Variants in HPSE2 observed in about 807,000 individuals in gnomAD.
HPSE2 encodes the protein inactive heparanase-2.
HPSE2 carries 38 observed loss-of-function variants against 60.5 expected under a neutral mutation model. That is an observed-to-expected ratio of 0.63 (90% confidence interval 0.48 to 0.82). HPSE2 has a LOEUF of 0.82. Ranked by LOEUF, HPSE2 falls within the 40% of genes least tolerant of loss-of-function variation. The probability of loss-of-function intolerance (pLI) is 0.00; values close to 1 mark genes in which losing one functional copy is unlikely to be tolerated. For synonymous variants in HPSE2, 295 were observed against 293.2 expected (o/e 1.01, Z -0.06); for missense variants, 713 against 740.4 (o/e 0.96, Z 0.43).
chr10:98,522,268 A>G (rs917242533), intron 9 of HPSE2, among the ~76,000 whole-genome samples: 11 of 152,068 alleles, frequency 7.2e-5, no homozygotes, highest in Non-Finnish European at 1.6e-4. Flanking sequence ...AAAAAAAACA[A>G]TAAAACAAAA....
At chr10:98,841,543 A>G (rs1951913174) in intron 3 of HPSE2, among the ~76,000 whole-genome samples, 1 of 152,148 alleles carries the variant, frequency 6.6e-6, no homozygotes, top group South Asian at 2.1e-4. Flanking sequence ...TTTTCACTCA[A>G]TAGTATTGCT....
At chr10:98,837,358 C>T (rs1029087970) in intron 3 of HPSE2, among the ~76,000 whole-genome samples, 1 of 152,128 alleles carries the variant, frequency 6.6e-6, no homozygotes, top group African/African-American at 2.4e-5. Flanking sequence ...TTATAGTGTA[C>T]TTTATATAAG....
At chr10:98,627,532 C>T (rs550131906) in intron 7 of HPSE2, among the ~76,000 whole-genome samples, 1 of 152,272 alleles carries the variant, frequency 6.6e-6, no homozygotes, top group South Asian at 2.1e-4. Flanking sequence ...CAGTTAGGGG[C>T]ATGGACTCTG....
In HPSE2 at chr10:98,937,030, T is replaced by C. The variant is rs1187280231; in HGVS notation, c.611-192974A>G. 1.7e-5 allele frequency among the ~76,000 whole-genome samples: 2 copies of C among 118,844 alleles called. 1 individual carries two copies. Among genetic ancestry groups the C allele is most frequent in the African/African-American group, 7.5e-5 (2 of 26,826 alleles). 78.0% of individuals were successfully genotyped at this position (118,844 alleles called of 152,430 possible). A position where few individuals can be genotyped will look rare whatever the true frequency, so the allele number is the denominator to read the frequency against. On this transcript the variant is annotated intron_variant, in intron 3 of 11. Coordinates refer to ENST00000370552, the MANE Select transcript of HPSE2 (RefSeq NM_021828.5). ...ACAAGTTTTCCAACTTTTTGGAAAATTTTAAGTTTTTCAACCTCCTCCTCT... is the reference window on the plus strand; with the variant it reads ...ACAAGTTTTCCAACTTTTTGGAAAACTTTAAGTTTTTCAACCTCCTCCTCT...
chr10:98,482,784 T>C lies in HPSE2; in HGVS notation c.1467-2A>G, dbSNP rs755246100. 5 of 1,613,956 alleles carry C rather than the reference T, an allele frequency of 3.1e-6. No homozygotes were observed. In the African/African-American group the frequency reaches 6.7e-5, roughly 22 times the overall value. ...ATGGACCCACGAACGTAGTTGTGGC[T>C]GAGATCCAGAGAAAGAGAGAAGTGA... On this transcript the variant is annotated splice_acceptor_variant, in intron 10 of 11. Transcript: ENST00000370552. LOFTEE classifies it high-confidence loss of function.
intron 9 of HPSE2, among the ~76,000 whole-genome samples, chr10:98,584,847 G>T (rs1405427814): frequency 1.3e-5 from 2 of 152,112 alleles, no homozygotes; most frequent in Non-Finnish European, 2.9e-5. Context: ...TTTGTGAAAG[G>T]AAGCCTGCAA....
intron 9 of HPSE2, among the ~76,000 whole-genome samples, chr10:98,543,511 C>T (rs1267157834): frequency 6.6e-6 from 1 of 152,066 alleles, no homozygotes; most frequent in East Asian, 1.9e-4. Context: ...ATTAAATGCT[C>T]CAATTAAAAG....
chr10:99,235,470 T>C (rs941259526), intron 1 of HPSE2, 43 bp downstream of exon 1: 1 of 1,590,854 alleles, frequency 6.3e-7, no homozygotes, highest in South Asian at 1.1e-5. Flanking sequence ...TGAGGGGGTG[T>C]TACTAAAAAA....
chr10:99,168,291 T>G (rs1237987250), intron 2 of HPSE2, among the ~76,000 whole-genome samples: 1 of 152,244 alleles, frequency 6.6e-6, no homozygotes, highest in East Asian at 1.9e-4. Context: ...ATAACATTTG[T>G]CAGATTATTC....
chr10:99,113,149 A>G (rs912310616), intron 3 of HPSE2, among the ~76,000 whole-genome samples: 1 of 152,224 alleles, frequency 6.6e-6, no homozygotes, highest in African/African-American at 2.4e-5. Flanking sequence ...TGACAACAAT[A>G]GCAACCATTC....
At chr10:98,860,391 A>C (rs1217320006) in intron 3 of HPSE2, among the ~76,000 whole-genome samples, 1 of 152,108 alleles carries the variant, frequency 6.6e-6, no homozygotes, top group Non-Finnish European at 1.5e-5. Context: ...CATACTTTCT[A>C]CCTTTGCTCA....
intron 3 of HPSE2, among the ~76,000 whole-genome samples, chr10:99,109,659 C>A (rs574231535): frequency 2.0e-5 from 3 of 152,128 alleles, no homozygotes; most frequent in Non-Finnish European, 2.9e-5. Flanking sequence ...CTCCAGAATG[C>A]GCTTTGGCTA....
At chr10:98,718,588 A>T (rs1948846527) in intron 5 of HPSE2, among the ~76,000 whole-genome samples, 1 of 152,218 alleles carries the variant, frequency 6.6e-6, no homozygotes, top group Admixed American at 6.6e-5. Context: ...ATATATACAC[A>T]TGGAATACTA....
intron 9 of HPSE2, among the ~76,000 whole-genome samples, chr10:98,524,821 C>T (rs899533205): frequency 6.6e-6 from 1 of 152,068 alleles, no homozygotes; most frequent in African/African-American, 2.4e-5. Flanking sequence ...ATAACAAATG[C>T]TCTTATGTTA....
chr10:98,709,034 T>G (rs1948614879), intron 5 of HPSE2, among the ~76,000 whole-genome samples: 1 of 152,184 alleles, frequency 6.6e-6, no homozygotes, highest in African/African-American at 2.4e-5. Context: ...ATTCCTATAC[T>G]CCATTTTTAT....
rs567075336 is a variant in HPSE2 at position 98,939,744 on chromosome 10, C to T, written c.611-195688G>A. ...GCACCAAGCAGACCTAATAGACATC[C>T]ACAGAACTCTCCAACACAAATCAAC... is the stretch of plus-strand genomic sequence containing the variant. On this transcript the variant is annotated intron_variant, in intron 3 of 11. Transcript: ENST00000370552. Among the ~76,000 whole-genome samples, 10 of 143,930 alleles carry T rather than the reference C, an allele frequency of 6.9e-5. 1 individual carries two copies. Among genetic ancestry groups the T allele is most frequent in the Admixed American group, 1.4e-4 (2 of 14,488 alleles). The allele number at this position is 143,930 out of a possible 152,430, so 94.4% of individuals were successfully genotyped here.
chr10:98,544,363 C>G (rs1263722367), intron 9 of HPSE2, among the ~76,000 whole-genome samples: 1 of 152,088 alleles, frequency 6.6e-6, no homozygotes, highest in African/African-American at 2.4e-5. Context: ...CACTAAATGC[C>G]CACAAGAGAA....
In HPSE2 at chr10:98,812,739, T is replaced by G. The variant is rs947426483; in HGVS notation, c.611-68683A>C. ...TGGCTATTCATCTGAAACAGCACTT[T>G]CATATGAATATTTGATTTTAAGCAA... On this transcript the variant is annotated intron_variant, in intron 3 of 11. Transcript: ENST00000370552. 2.1e-4 allele frequency among the ~76,000 whole-genome samples: 32 copies of G among 152,206 alleles called. 1 individual carries two copies. Among genetic ancestry groups the G allele is most frequent in the Non-Finnish European group, 1.0e-4 (7 of 68,022 alleles).
At chr10:98,723,047 T>A (rs1198634899) in intron 4 of HPSE2, among the ~76,000 whole-genome samples, 2 of 152,208 alleles carry the variant, frequency 1.3e-5, no homozygotes, top group Non-Finnish European at 2.9e-5. Flanking sequence ...TGTGCCAGTT[T>A]TCAAAGGGAA....
Sources: allele counts gnomAD v4.1 joint callset (sites outside exome capture counted in the v4.1 genomes callset), GRCh38; gene constraint gnomAD v4.1.1; transcripts MANE v1.5; gene names NCBI Gene and HGNC (gene_info 2026-07-23, HGNC 2026-07-21).